The following STK39 variants were observed in gnomAD, a reference collection of about 807,000 sequenced individuals.
STK39 encodes STE20/SPS1-related proline-alanine-rich protein kinase.
In STK39, 20 loss-of-function variants were observed where a neutral mutation model predicts 77.8. The observed-to-expected ratio is 0.26, with a 90% CI of 0.18 to 0.37. The LOEUF is 0.37. Among genes scored for constraint, STK39 ranks in the 10% least tolerant of loss-of-function variants. The probability of loss-of-function intolerance (pLI) is 1.00; values close to 1 mark genes in which losing one functional copy is unlikely to be tolerated. For missense variants in STK39, 479 were observed against 656.5 expected (o/e 0.73, Z 2.95); for synonymous variants, 246 against 234.1 (o/e 1.05, Z -0.47).
chr2:168,063,241 AGGCAAGGAAAT>A (rs1685707743), intron 14 of STK39, among the ~76,000 whole-genome samples: 1 of 152,196 alleles, frequency 6.6e-6, no homozygotes, highest in Non-Finnish European at 1.5e-5. Context: ...AAGAAGGAAA[AGGCAAGGAAAT>A]AAAACATAAT....
Position 168,038,644 on chromosome 2 carries a change from G to A in STK39, c.1377-21549C>T, listed in dbSNP as rs117155390. ...AAGAAACCAAAATGCAAGCCACAGA[G>A]TGAGAAAAATATTTATTATCCATAT... On this transcript the variant is annotated intron_variant, in intron 14 of 17. Transcript: ENST00000355999. 9.8e-4 allele frequency among the ~76,000 whole-genome samples: 149 copies of A among 152,192 alleles called. 1 individual carries two copies. The East Asian group carries it at 0.024, about 24-fold the overall frequency.
At chr2:168,031,626 G>C (rs1042000040) in intron 14 of STK39, among the ~76,000 whole-genome samples, 2 of 152,274 alleles carry the variant, frequency 1.3e-5, no homozygotes, top group East Asian at 1.9e-4. Flanking sequence ...GACAGGTGTC[G>C]TTATAAGAAG....
intron 2 of STK39, among the ~76,000 whole-genome samples, chr2:168,175,566 AGTT>A (rs956896082): frequency 2.0e-5 from 3 of 152,226 alleles, no homozygotes; most frequent in African/African-American, 7.2e-5. Flanking sequence ...CAAAAATAAA[AGTT>A]GTTTTCTCCA....
intron 1 of STK39, among the ~76,000 whole-genome samples, chr2:168,242,032 T>C (rs1574587970): frequency 6.6e-6 from 1 of 152,048 alleles, no homozygotes; most frequent in Non-Finnish European, 1.5e-5. Context: ...CAATAAACCA[T>C]AAAAGTCAGG....
intron 14 of STK39, among the ~76,000 whole-genome samples, chr2:168,025,500 C>G (rs924254795): frequency 1.3e-5 from 2 of 152,166 alleles, no homozygotes; most frequent in East Asian, 3.8e-4. Flanking sequence ...TCGTCTACCA[C>G]AGATGAGAAG....
chr2:168,140,752 C>G lies in STK39; in HGVS notation c.635G>C (p.Gly212Ala). The part of the protein sequence containing the change: ...EDGSVQIADF[G>A]VSAFLATGGD... Reference sequence around the variant, plus strand: ...CCCTGTTGCTAGGAACGCACTTACCCCAAAATCTGAAAGGGAAAAAAAAAT... The same window carrying G: ...CCCTGTTGCTAGGAACGCACTTACCGCAAAATCTGAAAGGGAAAAAAAAAT... Residue 212 changes from glycine to alanine, a missense_variant, in exon 6 of 18, where the codon GGG (glycine) becomes GCG (alanine). Gly to Ala is a moderately conservative substitution (Grantham distance 60). This residue lies in a region of STK39 where 139 missense variants were observed against 280.6 expected (regional missense o/e 0.50). Coordinates refer to ENST00000355999, the MANE Select transcript of STK39 (RefSeq NM_013233.3). 1 of 1,581,020 alleles carries G rather than the reference C, an allele frequency of 6.3e-7. No homozygotes were observed. The highest frequency in any genetic ancestry group is 8.6e-7 in the Non-Finnish European group (1 of 1,164,608).
At chr2:168,190,380 C>G (rs1203388353) in intron 1 of STK39, among the ~76,000 whole-genome samples, 1 of 152,164 alleles carries the variant, frequency 6.6e-6, no homozygotes, top group Non-Finnish European at 1.5e-5. Context: ...GGGGATGTGG[C>G]AGTTAACTTC....
intron 1 of STK39, among the ~76,000 whole-genome samples, chr2:168,214,950 G>C (rs757940047): frequency 4.6e-5 from 7 of 152,138 alleles, no homozygotes; most frequent in Non-Finnish European, 8.8e-5. Flanking sequence ...TTACCCAGTA[G>C]TATATCTCTT....
chr2:168,004,691 C>T (rs1257215203), intron 16 of STK39, among the ~76,000 whole-genome samples: 1 of 148,482 alleles, frequency 6.7e-6, no homozygotes, highest in Non-Finnish European at 1.5e-5. Flanking sequence ...CGAGATTGCA[C>T]CATTGCACTC....
At position 168,216,715 on chromosome 2, in the gene STK39, G is replaced by A. The variant is rs144599876; in HGVS notation, c.208+30513C>T. ...CCACCTTCAAAAGAAGACATTATTC[G>A]TGTGCTTTCAACTTTCTAAAGCCAA... is the stretch of plus-strand genomic sequence containing the variant. On this transcript the variant is annotated intron_variant, in intron 1 of 17. Transcript: ENST00000355999. Among the ~76,000 whole-genome samples, 695 of 152,296 alleles carry A rather than the reference G, an allele frequency of 4.6e-3. 5 individuals are homozygous for A. Among genetic ancestry groups the A allele is most frequent in the African/African-American group, 0.016 (659 of 41,558 alleles).
Position 168,231,911 on chromosome 2 carries a change from C to A in STK39, c.208+15317G>T, listed in dbSNP as rs376156361. On this transcript the variant is annotated intron_variant, in intron 1 of 17. Transcript: ENST00000355999. Reference sequence around the variant, plus strand: ...GCTTGATGTGGGGGGAGGAAGGGGCCACCCACCAATCACCTCTTCTTGTAG... The same window carrying A: ...GCTTGATGTGGGGGGAGGAAGGGGCAACCCACCAATCACCTCTTCTTGTAG... The A allele has an allele frequency of 3.4e-5, 8 of 235,922 alleles. No individual in the cohort carries two copies. The East Asian group carries it at 6.2e-4, about 18-fold the overall frequency. The allele number at this position is 235,922 out of a possible 1,614,324, so 14.6% of individuals were successfully genotyped here. A position where few individuals can be genotyped will look rare whatever the true frequency, so the allele number is the denominator to read the frequency against.
chr2:168,155,205 C>A (rs1296646079), intron 5 of STK39, among the ~76,000 whole-genome samples: 1 of 152,142 alleles, frequency 6.6e-6, no homozygotes, highest in Admixed American at 6.5e-5. Context: ...ACCGGGTTCA[C>A]CCAGTAACAT....
chr2:168,048,802 C>T (rs1489712722), intron 14 of STK39, among the ~76,000 whole-genome samples: 4 of 152,198 alleles, frequency 2.6e-5, no homozygotes, highest in Non-Finnish European at 5.9e-5. Context: ...CAAAGCTAGG[C>T]GCCATGTCCA....
intron 1 of STK39, among the ~76,000 whole-genome samples, chr2:168,201,588 A>T (rs2105675207): frequency 6.6e-6 from 1 of 152,328 alleles, no homozygotes; most frequent in Non-Finnish European, 1.5e-5. Context: ...TAATTCAATG[A>T]AAGAAGAGAT....
At chr2:168,241,340 G>C (rs193129455) in intron 1 of STK39, among the ~76,000 whole-genome samples, 1 of 152,138 alleles carries the variant, frequency 6.6e-6, no homozygotes, top group Non-Finnish European at 1.5e-5. Flanking sequence ...GGCAGCCTCC[G>C]GGCAAACTCA....
chr2:167,956,702 T>TCA (rs1392202471), intron 17 of STK39, among the ~76,000 whole-genome samples: 24 of 75,836 alleles, frequency 3.2e-4, no homozygotes, highest in African/African-American at 1.4e-3. Context: ...ACACACTCTC[T>TCA]CTCTCTCTCT....
chr2:168,021,031 G>T lies in STK39; in HGVS notation c.1377-3936C>A, dbSNP rs922860464. ...CAATAACAAAACAACCATGAGGAAA[G>T]CAAGTATTTATAATGTGTTTAATAA... On this transcript the variant is annotated intron_variant, in intron 14 of 17. Coordinates refer to ENST00000355999, the MANE Select transcript of STK39 (RefSeq NM_013233.3). Among the ~76,000 whole-genome samples, 4 of 152,118 alleles carry T rather than the reference G, an allele frequency of 2.6e-5. No homozygotes were observed. The East Asian group carries it at 7.7e-4, about 29-fold the overall frequency.
intron 5 of STK39, among the ~76,000 whole-genome samples, chr2:168,153,252 G>A (rs1688336812): frequency 6.6e-6 from 1 of 152,186 alleles, no homozygotes; most frequent in Admixed American, 6.5e-5. Context: ...ATCTTACTAA[G>A]TGCCACTTCC....
chr2:168,005,397 C>G (rs1238558857), intron 16 of STK39, among the ~76,000 whole-genome samples: 1 of 143,898 alleles, frequency 6.9e-6, no homozygotes, highest in African/African-American at 2.7e-5. Context: ...AGGCAAGGAA[C>G]GTGGGAAAAC....
Sources: gnomAD v4.1 joint callset for allele counts (sites outside exome capture counted in the v4.1 genomes callset) on GRCh38, gnomAD v4.1.1 for gene constraint, gnomAD v4.1.1 regional missense constraint, MANE v1.5 for transcripts, NCBI Gene and HGNC (gene_info 2026-07-23, HGNC 2026-07-21) for gene names.